Variants in SGCD observed in about 807,000 individuals in gnomAD.
The protein encoded by SGCD is sarcoglycan delta, also known as delta-sarcoglycan.
In SGCD, 18 loss-of-function variants were observed where a neutral mutation model predicts 36.6. The ratio of observed to expected loss-of-function variants is 0.49; its 90% CI spans 0.34 to 0.73. The LOEUF is 0.73. Ranked by LOEUF, SGCD falls within the 30% of genes least tolerant of loss-of-function variation. The pLI is 0.01. For synonymous variants in SGCD, 133 were observed against 130.6 expected (o/e 1.02, Z -0.12); for missense variants, 387 against 346.7 (o/e 1.12, Z -0.92).
chr5:156,262,940 T>A (rs547341788), intron 3 of SGCD, among the ~76,000 whole-genome samples: 3 of 151,806 alleles, frequency 2.0e-5, no homozygotes, highest in Non-Finnish European at 2.9e-5. Context: ...TATATATATA[T>A]ACACACACAT....
intron 1 of SGCD, among the ~76,000 whole-genome samples, chr5:155,986,921 G>T (rs1325647385): frequency 6.6e-6 from 1 of 152,158 alleles, no homozygotes; most frequent in African/African-American, 2.4e-5. Context: ...ATCTTAGTAT[G>T]AGCCATGTTT....
intron 7 of SGCD, among the ~76,000 whole-genome samples, chr5:156,736,129 T>G (rs988464255): frequency 1.3e-5 from 2 of 152,150 alleles, no homozygotes; most frequent in Non-Finnish European, 2.9e-5. Flanking sequence ...GTTGTTTCCT[T>G]GATTAGTCCC....
At chr5:156,605,349 C>T (rs1347254798) in intron 6 of SGCD, among the ~76,000 whole-genome samples, 1 of 152,114 alleles carries the variant, frequency 6.6e-6, no homozygotes, top group Non-Finnish European at 1.5e-5. Context: ...TGGTTTCCAG[C>T]TTCATCCATG....
At chr5:156,047,255 G>A (rs12658158) in intron 1 of SGCD, among the ~76,000 whole-genome samples, 10,336 of 152,194 alleles carry the variant, frequency 0.068, 952 homozygotes, top group East Asian at 0.45. Context: ...AAGTGTTGAT[G>A]GAGAAGCTAC....
chr5:156,071,528 G>C (rs1189900054), intron 1 of SGCD, among the ~76,000 whole-genome samples: 1 of 152,150 alleles, frequency 6.6e-6, no homozygotes, highest in Non-Finnish European at 1.5e-5. Context: ...TTTTACATTT[G>C]CTGAGGAGAG....
At chr5:156,086,573 G>C (rs966717994) in intron 1 of SGCD, among the ~76,000 whole-genome samples, 1 of 152,178 alleles carries the variant, frequency 6.6e-6, no homozygotes, top group African/African-American at 2.4e-5. Flanking sequence ...CTGGTGAATG[G>C]GCTGGCATCA....
At chr5:156,565,006 T>C (rs1303186854) in intron 4 of SGCD, among the ~76,000 whole-genome samples, 1 of 152,236 alleles carries the variant, frequency 6.6e-6, no homozygotes, top group Admixed American at 6.5e-5. Flanking sequence ...TATTTGCTCC[T>C]AGCCTGTAAA....
At chr5:156,625,056 G>A (rs1762391046) in intron 6 of SGCD, among the ~76,000 whole-genome samples, 1 of 152,178 alleles carries the variant, frequency 6.6e-6, no homozygotes, top group Non-Finnish European at 1.5e-5. Context: ...CCTTCTTAGA[G>A]ATTAAGAGGA....
chr5:155,811,825 G>C, the SGCD span, among the ~76,000 whole-genome samples: 4 of 152,156 alleles, frequency 2.6e-5, no homozygotes, highest in Admixed American at 2.0e-4. Context: ...GTTAGTGAGG[G>C]ATTTAGGGTC....
chr5:156,152,537 A>G (rs1232603719), intron 3 of SGCD, among the ~76,000 whole-genome samples: 2 of 151,694 alleles, frequency 1.3e-5, no homozygotes, highest in South Asian at 2.1e-4. Context: ...GACTTAGTAT[A>G]AAAAATATAG....
intron 3 of SGCD, among the ~76,000 whole-genome samples, chr5:156,139,167 A>T (rs1762520871): frequency 6.6e-6 from 1 of 152,144 alleles, no homozygotes; most frequent in South Asian, 2.1e-4. Flanking sequence ...GAAGAACAGG[A>T]GTTATTAATT....
At chr5:155,808,616 CA>C in the SGCD span, among the ~76,000 whole-genome samples, 3 of 152,048 alleles carry the variant, frequency 2.0e-5, no homozygotes, top group African/African-American at 7.2e-5. Context: ...ATCCAAATAG[CA>C]AAAACACAAA....
chr5:155,784,119 G>C, the SGCD span, among the ~76,000 whole-genome samples: 20 of 152,316 alleles, frequency 1.3e-4, no homozygotes, highest in African/African-American at 4.6e-4. Flanking sequence ...CATATGCCAC[G>C]TAGGGACTGG....
At chr5:156,027,967 A>G (rs979013883) in intron 1 of SGCD, among the ~76,000 whole-genome samples, 3 of 152,188 alleles carry the variant, frequency 2.0e-5, no homozygotes, top group African/African-American at 7.2e-5. Flanking sequence ...TGGAAGGACA[A>G]AAAAGGGTGG....
chr5:156,629,855 CTTTTTTTTTTT>C (rs560099325), intron 6 of SGCD, among the ~76,000 whole-genome samples: 16 of 85,600 alleles, frequency 1.9e-4, no homozygotes, highest in African/African-American at 6.2e-4. Context: ...GAGACTTTTT[CTTTTTTTTTTT>C]TTTTTTTTTT....
intron 3 of SGCD, among the ~76,000 whole-genome samples, chr5:156,132,691 A>G: frequency 6.6e-6 from 1 of 150,888 alleles, no homozygotes; most frequent in East Asian, 2.0e-4. Context: ...GATGGTCTCG[A>G]TCTCCTGACC....
intron 6 of SGCD, among the ~76,000 whole-genome samples, chr5:156,604,448 G>T (rs1435262553): frequency 1.3e-5 from 2 of 151,800 alleles, no homozygotes; most frequent in Middle Eastern, 3.2e-3. Flanking sequence ...TGGTGTGGTG[G>T]TTTTCTGTGG....
intron 1 of SGCD, among the ~76,000 whole-genome samples, chr5:155,959,370 A>G (rs932377186): frequency 4.6e-5 from 7 of 152,100 alleles, no homozygotes; most frequent in African/African-American, 1.7e-4. Context: ...CCAAGTCTGT[A>G]GCCTGAATTC....
intron 3 of SGCD, among the ~76,000 whole-genome samples, chr5:156,377,129 T>A (rs1169943711): frequency 6.6e-6 from 1 of 152,156 alleles, no homozygotes; most frequent in Admixed American, 6.5e-5. Context: ...ATCAGTGTTA[T>A]GAGGATAATG....
Sources: allele counts gnomAD v4.1 joint callset (sites outside exome capture counted in the v4.1 genomes callset), GRCh38; gene constraint gnomAD v4.1.1; transcripts MANE v1.5; gene names NCBI Gene and HGNC (gene_info 2026-07-23, HGNC 2026-07-21).